Variants in PTPN2 observed in about 807,000 individuals in gnomAD.
PTPN2 encodes tyrosine-protein phosphatase non-receptor type 2.
In PTPN2, 19 loss-of-function variants were observed where a neutral mutation model predicts 57.3. The observed-to-expected ratio is 0.33, with a 90% CI of 0.23 to 0.49. The LOEUF is 0.49. Ranked by LOEUF, PTPN2 falls within the 20% of genes least tolerant of loss-of-function variation. The pLI, the probability that PTPN2 is intolerant of heterozygous loss-of-function variation, is 0.99. For missense variants in PTPN2, 358 were observed against 501.1 expected (o/e 0.71, Z 2.73); for synonymous variants, 153 against 164.9 (o/e 0.93, Z 0.55).
intron 7 of PTPN2, among the ~76,000 whole-genome samples, chr18:12,807,586 A>AAAAAAAAAAAAAAAAAAAAAAATAT: frequency 2.8e-5 from 1 of 35,198 alleles, no homozygotes; most frequent in African/African-American, 7.0e-5. Flanking sequence ...AAAAAAAAAA[A>AAAAAAAAAAAAAAAAAAAAAAATAT]ATATATATAT....
intron 8 of PTPN2, among the ~76,000 whole-genome samples, 177 bp from the exon 9 acceptor site, chr18:12,794,662 C>G (rs1417033039): frequency 6.6e-6 from 1 of 152,196 alleles, no homozygotes; most frequent in Non-Finnish European, 1.5e-5. Flanking sequence ...TGCTCTGTCA[C>G]CCAGCCTGGA....
intron 7 of PTPN2, among the ~76,000 whole-genome samples, chr18:12,803,618 T>C (rs1350832490): frequency 6.6e-6 from 1 of 152,120 alleles, no homozygotes; most frequent in African/African-American, 2.4e-5. Flanking sequence ...AAATAGACTT[T>C]AGGTCAAAAA....
At chr18:12,833,422 G>C (rs1404541195) in intron 3 of PTPN2, among the ~76,000 whole-genome samples, 1 of 152,118 alleles carries the variant, frequency 6.6e-6, no homozygotes, top group Admixed American at 6.6e-5. Flanking sequence ...ATGACTAATG[G>C]ACACAGTTAA....
intron 1 of PTPN2, 110 bp downstream of exon 1, chr18:12,883,963 A>AGCGAGAG (rs1010103359): frequency 2.3e-5 from 22 of 950,658 alleles, no homozygotes; most frequent in African/African-American, 3.5e-5. Flanking sequence ...TTCCGCCCCG[A>AGCGAGAG]GCGAGAGGCT....
At chr18:12,805,481 C>T (rs1158435003) in intron 7 of PTPN2, among the ~76,000 whole-genome samples, 1 of 151,618 alleles carries the variant, frequency 6.6e-6, no homozygotes, top group East Asian at 1.9e-4. Flanking sequence ...ATTCAACATA[C>T]CTTCATGATA....
At position 12,793,785 on chromosome 18, in the gene PTPN2, T is replaced by C; in HGVS notation, c.*493A>G. On this transcript the variant is annotated 3_prime_UTR_variant, in exon 9 of 9. Transcript: ENST00000309660. ...AGATTAAATAGATACTTATAAAATA[T>C]ATTTACCCTGAAATGCTTAAGAATA... 4.3e-6 allele frequency: 4 copies of C among 937,966 alleles called. No homozygotes were observed. Among genetic ancestry groups the C allele is most frequent in the Non-Finnish European group, 5.1e-6 (4 of 785,052 alleles). The allele number at this position is 937,966 out of a possible 1,614,324, so 58.1% of individuals were successfully genotyped here.
At chr18:12,874,424 G>C (rs1430330572) in intron 1 of PTPN2, among the ~76,000 whole-genome samples, 3 of 144,570 alleles carry the variant, frequency 2.1e-5, no homozygotes, top group Non-Finnish European at 4.6e-5. Context: ...ATCAGCCCCC[G>C]CCCGGCCTGC....
intron 1 of PTPN2, 42 bp from the exon 2 acceptor site, chr18:12,859,296 C>T (rs184070792): frequency 1.5e-4 from 198 of 1,351,580 alleles, no homozygotes; most frequent in Non-Finnish European, 7.3e-6. Flanking sequence ...CTCTTAAATT[C>T]TCCACAGCAA....
At chr18:12,868,075 G>A (rs1468164290) in intron 1 of PTPN2, among the ~76,000 whole-genome samples, 1 of 152,144 alleles carries the variant, frequency 6.6e-6, no homozygotes, top group Non-Finnish European at 1.5e-5. Context: ...AAATATGTGG[G>A]AAAGACCCTT....
chr18:12,788,373 T>A (rs1324603371), downstream of PTPN2, among the ~76,000 whole-genome samples: 2 of 149,936 alleles, frequency 1.3e-5, no homozygotes, highest in African/African-American at 4.9e-5. Context: ...GTAGGAAGAG[T>A]TCAAAAGTTT....
chr18:12,808,911 A>G (rs2041791973), intron 7 of PTPN2, among the ~76,000 whole-genome samples: 1 of 152,184 alleles, frequency 6.6e-6, no homozygotes, highest in Non-Finnish European at 1.5e-5. Flanking sequence ...TCTAATCCAG[A>G]GGTATGTAAC....
intron 1 of PTPN2, among the ~76,000 whole-genome samples, chr18:12,874,184 C>T (rs1267778710): frequency 6.6e-6 from 1 of 151,830 alleles, no homozygotes; most frequent in African/African-American, 2.4e-5. Context: ...AGGCGAGCCG[C>T]CCCATCTGGG....
At chr18:12,794,735 C>T (rs902918541) in intron 8 of PTPN2, among the ~76,000 whole-genome samples, 2 of 152,110 alleles carry the variant, frequency 1.3e-5, no homozygotes, top group Admixed American at 1.3e-4. Flanking sequence ...GATTCTCGTG[C>T]CTCAGCCTCC....
chr18:12,786,161 G>C (rs2040839173), intron 9 of PTPN2: 2 of 355,930 alleles, frequency 5.6e-6, no homozygotes, highest in East Asian at 6.3e-5. Context: ...GTGTGATACC[G>C]ACAGACAGAC....
chr18:12,827,282 G>A (rs2145358580), intron 4 of PTPN2, among the ~76,000 whole-genome samples: 1 of 151,158 alleles, frequency 6.6e-6, no homozygotes, highest in South Asian at 2.1e-4. Flanking sequence ...GGCGGAGCTT[G>A]CAGTGAGTCG....
chr18:12,838,599 A>C (rs1034734354), intron 2 of PTPN2, among the ~76,000 whole-genome samples: 4 of 152,246 alleles, frequency 2.6e-5, no homozygotes, highest in African/African-American at 9.6e-5. Flanking sequence ...CTGGGTCTGC[A>C]GGGCTCAGCC....
chr18:12,831,158 A>AT, intron 3 of PTPN2, 117 bp from the exon 4 acceptor site: 1 of 596,708 alleles, frequency 1.7e-6, no homozygotes, highest in Non-Finnish European at 3.0e-6. Context: ...GGACGGGCTT[A>AT]TAAGAAGTAA....
chr18:12,823,034 A>T (rs2145340577), intron 5 of PTPN2, among the ~76,000 whole-genome samples: 1 of 152,302 alleles, frequency 6.6e-6, no homozygotes, highest in African/African-American at 2.4e-5. Flanking sequence ...CAGGATTTAA[A>T]CTTGGGCTAT....
intron 2 of PTPN2, 130 bp downstream of exon 2, chr18:12,859,034 C>A (rs45536934): frequency 0.01 from 5,725 of 552,454 alleles, 55 homozygotes; most frequent in Non-Finnish European, 0.011. Context: ...TCTTAAAGAA[C>A]GTGTCTTACG....
Sources: allele counts gnomAD v4.1 joint callset (sites outside exome capture counted in the v4.1 genomes callset), GRCh38; gene constraint gnomAD v4.1.1; transcripts MANE v1.5; gene names NCBI Gene and HGNC (gene_info 2026-07-23, HGNC 2026-07-21).